IQCM: variants seen among roughly 807,000 people sequenced by gnomAD.
IQCM encodes IQ motif containing M, also known as IQ domain-containing protein M.
In IQCM, 45 loss-of-function variants were observed where a neutral mutation model predicts 57.6. That is an observed-to-expected ratio of 0.78 (90% CI 0.62 to 1.00). The LOEUF (loss-of-function observed/expected upper bound fraction) is 1.00, where lower values mean the gene tolerates loss of function less well. Ranked by LOEUF, IQCM falls within the 50% of genes least tolerant of loss-of-function variation. The pLI, the probability that IQCM is intolerant of heterozygous loss-of-function variation, is 0.00. For synonymous variants in IQCM, 148 were observed against 158.9 expected (o/e 0.93, Z 0.51); for missense variants, 468 against 511.6 (o/e 0.91, Z 0.82).
chr4:149,424,523 T>C (rs1734334850), intron 13 of IQCM, among the ~76,000 whole-genome samples: 1 of 151,782 alleles, frequency 6.6e-6, no homozygotes, highest in African/African-American at 2.4e-5. Flanking sequence ...GAAACTTCTG[T>C]TATATTAAAA....
rs1026223095 is a variant in IQCM at position 149,787,094 on chromosome 4, C to T, written c.-49+28217G>A. Among the ~76,000 whole-genome samples the T allele has an allele frequency of 2.6e-5, 4 of 152,036 alleles. No individual in the cohort carries two copies. The South Asian group carries it at 6.2e-4, about 24-fold the overall frequency. On this transcript the variant is annotated intron_variant, in intron 2 of 13. Transcript: ENST00000636793. ...AACACAGGAACGGAAAACCAAACACCGCATATTCTCACTCAAAAGTGGGAG... is the reference window on the plus strand; with the variant it reads ...AACACAGGAACGGAAAACCAAACACTGCATATTCTCACTCAAAAGTGGGAG...
chr4:149,393,947 C>T (rs1732041299), intron 13 of IQCM, among the ~76,000 whole-genome samples: 1 of 151,854 alleles, frequency 6.6e-6, no homozygotes, highest in Non-Finnish European at 1.5e-5. Flanking sequence ...AACCTCTAAA[C>T]AAATGTTGCA....
At chr4:149,658,296 A>T (rs1288812214) in intron 7 of IQCM, among the ~76,000 whole-genome samples, 1 of 151,920 alleles carries the variant, frequency 6.6e-6, no homozygotes, top group Non-Finnish European at 1.5e-5. Flanking sequence ...ACTTTTGTTG[A>T]AAATCAGTTG....
At chr4:149,408,142 A>G (rs1430172320) in intron 13 of IQCM, among the ~76,000 whole-genome samples, 1 of 151,942 alleles carries the variant, frequency 6.6e-6, no homozygotes, top group Non-Finnish European at 1.5e-5. Context: ...TTCATTTTGT[A>G]CCCCATAAAT....
At chr4:149,654,262 C>T (rs1481156812) in intron 7 of IQCM, among the ~76,000 whole-genome samples, 2 of 152,060 alleles carry the variant, frequency 1.3e-5, no homozygotes, top group African/African-American at 4.8e-5. Context: ...ATCTGTGTCC[C>T]CACCAAATCT....
intron 13 of IQCM, among the ~76,000 whole-genome samples, chr4:149,389,479 C>T (rs1449440820): frequency 1.3e-5 from 2 of 151,526 alleles, no homozygotes; most frequent in East Asian, 3.9e-4. Context: ...CAATGATAGA[C>T]TGGATTAAGA....
At chr4:149,686,565 AG>A in intron 5 of IQCM, 97 bp from the exon 6 acceptor site, 1 of 442,906 alleles carries the variant, frequency 2.3e-6, no homozygotes, top group Non-Finnish European at 3.7e-6. Flanking sequence ...TTTAATAACA[AG>A]AGCTATAATC....
chr4:149,507,001 G>T (rs1478347097), intron 12 of IQCM, among the ~76,000 whole-genome samples: 2 of 152,154 alleles, frequency 1.3e-5, no homozygotes, highest in African/African-American at 4.8e-5. Context: ...CTGGGGGCAG[G>T]TCTTTCCTAT....
intron 11 of IQCM, among the ~76,000 whole-genome samples, chr4:149,551,462 C>T (rs1034828265): frequency 2.0e-5 from 3 of 151,664 alleles, no homozygotes; most frequent in South Asian, 2.1e-4. Flanking sequence ...AGTAAAGCTA[C>T]GAAAAATAAG....
Position 149,681,929 on chromosome 4 carries a change from T to C in IQCM, c.565+189A>G, listed in dbSNP as rs1352401682. On this transcript the variant is annotated intron_variant, in intron 7 of 13. Coordinates refer to ENST00000636793, the MANE Select transcript of IQCM (RefSeq NM_001363507.2). The stretch of plus-strand genomic sequence containing the variant: ...ATTTTTAAAAATCCAGTCTCTCAAT[T>C]TCAGATAAAGGCATGGAAAACTAGT... 2.0e-5 allele frequency among the ~76,000 whole-genome samples: 3 copies of C among 151,116 alleles called. No homozygotes were observed. In the South Asian group the frequency reaches 6.2e-4, roughly 31 times the overall value.
At chr4:149,435,490 A>G (rs1407629934) in intron 12 of IQCM, among the ~76,000 whole-genome samples, 1 of 151,990 alleles carries the variant, frequency 6.6e-6, no homozygotes, top group Non-Finnish European at 1.5e-5. Context: ...TACATTTATT[A>G]TCATAAATGG....
chr4:149,706,390 G>T (rs1053073407), intron 5 of IQCM, among the ~76,000 whole-genome samples: 2 of 151,948 alleles, frequency 1.3e-5, no homozygotes, highest in South Asian at 2.1e-4. Context: ...GATTTGGGGG[G>T]CATGTGGTAT....
chr4:149,474,387 G>A (rs1361699814), intron 12 of IQCM, among the ~76,000 whole-genome samples: 1 of 151,882 alleles, frequency 6.6e-6, no homozygotes, highest in Non-Finnish European at 1.5e-5. Flanking sequence ...CTCCAGCCTG[G>A]CAATAGAGCA....
At chr4:149,456,051 C>T (rs903525663) in intron 12 of IQCM, among the ~76,000 whole-genome samples, 2 of 151,604 alleles carry the variant, frequency 1.3e-5, no homozygotes, top group African/African-American at 4.8e-5. Flanking sequence ...GCTGAGATCC[C>T]TATTAAAAAA....
intron 2 of IQCM, among the ~76,000 whole-genome samples, chr4:149,784,623 C>T (rs1771914267): frequency 6.6e-6 from 1 of 152,110 alleles, no homozygotes; most frequent in Admixed American, 6.5e-5. Context: ...ACCGTGTTAG[C>T]CAGGATGGTC....
chr4:149,559,751 C>T (rs993253741), intron 10 of IQCM, among the ~76,000 whole-genome samples: 5 of 152,138 alleles, frequency 3.3e-5, no homozygotes, highest in East Asian at 1.9e-4. Context: ...TGTTAGCACA[C>T]GTTATGTAAT....
intron 2 of IQCM, among the ~76,000 whole-genome samples, chr4:149,780,605 G>T (rs756052047): frequency 6.6e-6 from 1 of 151,748 alleles, no homozygotes; most frequent in Non-Finnish European, 1.5e-5. Context: ...GAAACTTACT[G>T]GTAAAAGTAA....
chr4:149,792,384 C>T (rs1267657759), intron 2 of IQCM, among the ~76,000 whole-genome samples: 1 of 151,836 alleles, frequency 6.6e-6, no homozygotes, highest in African/African-American at 2.4e-5. Flanking sequence ...ATAGTAAGAC[C>T]CTGTCTCTAC....
In IQCM at chr4:149,573,334, CACA is replaced by C. The variant is rs1438272153; in HGVS notation, c.750-9447_750-9445del. 6.6e-5 allele frequency among the ~76,000 whole-genome samples: 10 copies of C among 151,626 alleles called. No homozygotes were observed. The South Asian group carries it at 2.1e-3, about 32-fold the overall frequency. On this transcript the variant is annotated intron_variant, in intron 9 of 13. Coordinates refer to ENST00000636793, the MANE Select transcript of IQCM (RefSeq NM_001363507.2). ...TTCTAAATCAGGAATGGATAGGAAT[CACA>C]ACAATTATTTCCAAGGAACTCCTCT...
Sources: allele counts gnomAD v4.1 joint callset (sites outside exome capture counted in the v4.1 genomes callset), GRCh38; gene constraint gnomAD v4.1.1; transcripts MANE v1.5; gene names NCBI Gene and HGNC (gene_info 2026-07-23, HGNC 2026-07-21).